Variants in TEF observed in about 807,000 individuals in gnomAD.
TEF encodes TEF transcription factor, PAR bZIP family member, also known as thyrotroph embryonic factor.
A neutral mutation model predicts 20.8 loss-of-function variants in TEF; 3 were observed. The observed-to-expected ratio is 0.14, with a 90% confidence interval of 0.07 to 0.37. TEF has a LOEUF of 0.37. Among genes scored for constraint, TEF ranks in the 10% least tolerant of loss-of-function variants. The pLI, the probability that TEF is intolerant of heterozygous loss-of-function variation, is 1.00. For synonymous variants in TEF, 180 were observed against 171.1 expected (o/e 1.05, Z -0.41); for missense variants, 296 against 397.9 (o/e 0.74, Z 2.18).
chr22:41,395,237 C>G (rs1204324218), intron 3 of TEF, among the ~76,000 whole-genome samples: 2 of 152,182 alleles, frequency 1.3e-5, no homozygotes, highest in Non-Finnish European at 2.9e-5. Context: ...AACTCCTCAC[C>G]TCAAGTGATC....
In TEF at chr22:41,387,445, C is replaced by G. The variant is rs2037111766; in HGVS notation, c.252C>G (p.Asp84Glu). Residue 84 changes from aspartate to glutamate, a missense_variant, in exon 2 of 4, where the codon GAC becomes GAG. Coordinates refer to ENST00000266304, the MANE Select transcript of TEF (RefSeq NM_003216.4). Reference protein sequence around the residue: ...VSASLMPPIWDKTIPYDGESF... With the variant: ...VSASLMPPIWEKTIPYDGESF... ...CCTCCCTCATGCCACCCATCTGGGA[C>G]AAGACCATCCCATATGATGGCGAAT... The G allele has an allele frequency of 1.9e-6, 3 of 1,614,130 alleles. No homozygotes were observed. Among genetic ancestry groups the G allele is most frequent in the African/African-American group, 2.7e-5 (2 of 74,934 alleles).
intron 3 of TEF, among the ~76,000 whole-genome samples, chr22:41,395,042 T>G (rs1237992025): frequency 6.6e-6 from 1 of 152,214 alleles, no homozygotes; most frequent in Non-Finnish European, 1.5e-5. Flanking sequence ...AGTCTCACTT[T>G]GTCACCCAGG....
chr22:41,389,328 G>T (rs747264643), intron 2 of TEF, among the ~76,000 whole-genome samples: 1 of 152,102 alleles, frequency 6.6e-6, no homozygotes, highest in Non-Finnish European at 1.5e-5. Context: ...GTGAACCCAG[G>T]AGGCAGAGCT....
chr22:41,375,243 G>A (rs2036926582), intron 1 of TEF, among the ~76,000 whole-genome samples: 1 of 152,182 alleles, frequency 6.6e-6, no homozygotes. Context: ...AGGAGGGCAA[G>A]AATCAGTAAA....
At chr22:41,368,963 C>A in intron 1 of TEF, 1 of 704,266 alleles carries the variant, frequency 1.4e-6, no homozygotes, top group Non-Finnish European at 1.7e-6. Flanking sequence ...TCTGAGTGGC[C>A]TGTGTGGGTG....
chr22:41,379,004 G>T (rs2036981032), upstream of TEF, among the ~76,000 whole-genome samples: 1 of 152,204 alleles, frequency 6.6e-6, no homozygotes, highest in African/African-American at 2.4e-5. Flanking sequence ...TAAATTTGTT[G>T]AAGGTTTGCA....
rs1232167692 is a variant in TEF, at chr22:41,396,113, T to C, written c.*153T>C. Reference sequence around the variant, plus strand: ...GAGCGGCCACGTCTCAGCTTCATTATACCATGGCCTGCGCACGTGGCGACG... The same window carrying C: ...GAGCGGCCACGTCTCAGCTTCATTACACCATGGCCTGCGCACGTGGCGACG... On this transcript the variant is annotated 3_prime_UTR_variant, in exon 4 of 4. Transcript: ENST00000266304. The C allele has an allele frequency of 8.8e-6, 7 of 796,100 alleles. No homozygotes were observed. Among genetic ancestry groups the C allele is most frequent in the African/African-American group, 1.7e-5 (1 of 57,396 alleles). 49.3% of individuals were successfully genotyped at this position (796,100 alleles called of 1,614,324 possible). A position where few individuals can be genotyped will look rare whatever the true frequency, so the allele number is the denominator to read the frequency against.
upstream of TEF, among the ~76,000 whole-genome samples, chr22:41,380,174 T>C (rs1433392096): frequency 6.6e-6 from 1 of 152,160 alleles, no homozygotes; most frequent in South Asian, 2.1e-4. Context: ...TTTTTTGACA[T>C]GGAGTCTCCC....
intron 2 of TEF, among the ~76,000 whole-genome samples, chr22:41,393,729 C>T (rs1356976161): frequency 2.0e-5 from 3 of 147,762 alleles, no homozygotes; most frequent in Non-Finnish European, 4.5e-5. Flanking sequence ...GCCGAGATTG[C>T]GCCACTGCAC....
intron 1 of TEF, among the ~76,000 whole-genome samples, chr22:41,370,532 TCTC>T (rs1320722206): frequency 6.8e-6 from 1 of 146,902 alleles, no homozygotes; most frequent in African/African-American, 2.5e-5. Flanking sequence ...CCTGCCTCAG[TCTC>T]CTGAGTAGCT....
At chr22:41,368,357 CT>C in intron 1 of TEF, among the ~76,000 whole-genome samples, 1 of 152,272 alleles carries the variant, frequency 6.6e-6, no homozygotes, top group Non-Finnish European at 1.5e-5. Context: ...GCCCAGCTGG[CT>C]TTTGCTGCCT....
chr22:41,373,147 G>A (rs2036903007), intron 1 of TEF, among the ~76,000 whole-genome samples: 1 of 152,196 alleles, frequency 6.6e-6, no homozygotes, highest in Non-Finnish European at 1.5e-5. Context: ...AACCCAAGCA[G>A]GAATTACAGT....
At chr22:41,382,368 G>A (rs946745012) in intron 1 of TEF, among the ~76,000 whole-genome samples, 167 bp downstream of exon 1, 5 of 152,004 alleles carry the variant, frequency 3.3e-5, no homozygotes, top group Non-Finnish European at 4.4e-5. Flanking sequence ...GGGGGCTGAG[G>A]ACAGAGGGTC....
intron 1 of TEF, among the ~76,000 whole-genome samples, chr22:41,376,224 T>G (rs1304555183): frequency 6.6e-6 from 1 of 152,188 alleles, no homozygotes; most frequent in Non-Finnish European, 1.5e-5. Flanking sequence ...GAACGAAGTT[T>G]TTGTTCTGTT....
At chr22:41,390,970 C>G (rs941371280) in intron 2 of TEF, among the ~76,000 whole-genome samples, 1 of 152,110 alleles carries the variant, frequency 6.6e-6, no homozygotes, top group African/African-American at 2.4e-5. Flanking sequence ...GAAGGGCACC[C>G]AGGCATGGCG....
Position 41,383,565 on chromosome 22 carries a change from G to A in TEF, c.157+1364G>A, listed in dbSNP as rs1430701429. 4.5e-4 allele frequency among the ~76,000 whole-genome samples: 68 copies of A among 152,196 alleles called. 1 individual carries two copies. The highest frequency in any genetic ancestry group is 4.4e-3 in the Admixed American group (68 of 15,284). ...CCCAGATGAGGAAAATTGAGGCTCA[G>A]GGAGGTGAGGGTGCTTCCTCAAGGT... is the stretch of plus-strand genomic sequence containing the variant. On this transcript the variant is annotated intron_variant, in intron 1 of 3. Transcript: ENST00000266304.
chr22:41,386,120 C>T (rs2037094490), intron 1 of TEF, among the ~76,000 whole-genome samples: 1 of 152,212 alleles, frequency 6.6e-6, no homozygotes, highest in Non-Finnish European at 1.5e-5. Flanking sequence ...CCCCCCGCAC[C>T]TGGCCAGTGC....
At chr22:41,394,626 G>A (rs975888010) in intron 3 of TEF, among the ~76,000 whole-genome samples, 13 of 152,220 alleles carry the variant, frequency 8.5e-5, no homozygotes, top group African/African-American at 2.2e-4. Context: ...ACAGGAACTG[G>A]GGTTGAAAAA....
At chr22:41,389,456 CTAAA>C (rs2037139758) in intron 2 of TEF, among the ~76,000 whole-genome samples, 1 of 151,020 alleles carries the variant, frequency 6.6e-6, no homozygotes. Context: ...CTCGACTCTA[CTAAA>C]AATACAAAAA....
Sources: allele counts gnomAD v4.1 joint callset (sites outside exome capture counted in the v4.1 genomes callset), GRCh38; gene constraint gnomAD v4.1.1; transcripts MANE v1.5; gene names NCBI Gene and HGNC (gene_info 2026-07-23, HGNC 2026-07-21).